ANK3: variants seen among roughly 807,000 people sequenced by gnomAD.
ANK3 encodes the protein ankyrin 3, also known as ankyrin-3.
Under a neutral mutation model 370.9 loss-of-function variants are expected in ANK3, and 57 were observed. The ratio of observed to expected loss-of-function variants is 0.15; its 90% CI spans 0.12 to 0.19. ANK3 has a LOEUF of 0.19. ANK3 is among the 10% of genes least tolerant of loss of function. The pLI is 1.00. For missense variants in ANK3, 4,439 were observed against 5,302.1 expected (o/e 0.84, Z 5.06); for synonymous variants, 1,929 against 1,946.3 (o/e 0.99, Z 0.23).
At chr10:60,522,047 T>C (rs1238552146) in intron 2 of ANK3, among the ~76,000 whole-genome samples, 3 of 152,100 alleles carry the variant, frequency 2.0e-5, no homozygotes, top group African/African-American at 7.2e-5. Context: ...ACAGTGTGAT[T>C]AATCAGGGTA....
chr10:60,339,765 G>T (rs763530350), intron 1 of ANK3, among the ~76,000 whole-genome samples: 33 of 152,182 alleles, frequency 2.2e-4, no homozygotes, highest in Non-Finnish European at 3.7e-4. Flanking sequence ...ATGAGTAGAA[G>T]TGGAGGTAAA....
At chr10:60,214,233 G>C (rs1053760308) in intron 8 of ANK3, among the ~76,000 whole-genome samples, 16 of 152,008 alleles carry the variant, frequency 1.1e-4, no homozygotes, top group Admixed American at 8.5e-4. Context: ...AATAAGACAG[G>C]GTTCAGCATC....
intron 12 of ANK3, 29 bp downstream of exon 12, chr10:60,202,973 T>C (rs751153805): frequency 2.0e-6 from 3 of 1,497,474 alleles, no homozygotes; most frequent in Non-Finnish European, 2.8e-6. Flanking sequence ...ATACTCACAA[T>C]GGACCTCCTT....
At position 60,581,631 on chromosome 10, in the gene ANK3, G is replaced by T. The variant is rs142659028; in HGVS notation, c.96+33555C>A. On this transcript the variant is annotated intron_variant, in intron 2 of 43. Coordinates refer to the ANK3 transcript ENST00000373827. ...TTTTTGTAGTTTTTAGTAGAGATGGGGTTTCATCATCTTGGCCATGCTGGT... is the reference window on the plus strand; with the variant it reads ...TTTTTGTAGTTTTTAGTAGAGATGGTGTTTCATCATCTTGGCCATGCTGGT... 6.3e-4 allele frequency among the ~76,000 whole-genome samples: 95 copies of T among 151,462 alleles called. 1 individual carries two copies. The highest frequency in any genetic ancestry group is 2.2e-3 in the African/African-American group (90 of 41,262).
At chr10:60,536,432 C>T (rs10821791) in intron 2 of ANK3, among the ~76,000 whole-genome samples, 103,283 of 151,870 alleles carry the variant, frequency 0.68, 35,494 homozygotes, top group South Asian at 0.87. Context: ...GAAATTCATC[C>T]GCTTTCCTTC....
intron 40 of ANK3, chr10:60,062,427 T>C (rs1010550670): frequency 6.6e-6 from 1 of 152,246 alleles, no homozygotes; most frequent in Non-Finnish European, 1.5e-5. Flanking sequence ...AAGATCATTA[T>C]ATAAATTAAG....
intron 2 of ANK3, among the ~76,000 whole-genome samples, chr10:60,458,872 G>A (rs565428262): frequency 6.6e-6 from 1 of 152,170 alleles, no homozygotes; most frequent in East Asian, 1.9e-4. Context: ...CCTTACTTAC[G>A]CTATTCAGAC....
chr10:60,584,959 T>C (rs2077810656), intron 2 of ANK3, among the ~76,000 whole-genome samples: 1 of 152,170 alleles, frequency 6.6e-6, no homozygotes, highest in Non-Finnish European at 1.5e-5. Flanking sequence ...TGGACAAACC[T>C]CAGCCTCTTC....
chr10:60,198,130 C>T (rs1197501271), intron 14 of ANK3, among the ~76,000 whole-genome samples: 1 of 152,120 alleles, frequency 6.6e-6, no homozygotes, highest in Non-Finnish European at 1.5e-5. Flanking sequence ...TGGAAGATAA[C>T]ATACTAAGAA....
chr10:60,695,326 A>G (rs2079429797), intron 1 of ANK3, among the ~76,000 whole-genome samples: 1 of 152,114 alleles, frequency 6.6e-6, no homozygotes, highest in Admixed American at 6.5e-5. Context: ...CCCACTGTCA[A>G]CATTAGACAG....
At chr10:60,089,826 T>C (rs1337780803) in intron 28 of ANK3, among the ~76,000 whole-genome samples, 2 of 152,008 alleles carry the variant, frequency 1.3e-5, no homozygotes, top group East Asian at 3.8e-4. Context: ...TAAATCCACA[T>C]ATACTTTTAT....
At chr10:60,633,976 A>G (rs74155633) in intron 1 of ANK3, among the ~76,000 whole-genome samples, 110 of 152,346 alleles carry the variant, frequency 7.2e-4, no homozygotes, top group African/African-American at 2.4e-3. Flanking sequence ...AATAGAATAC[A>G]TATCTCATGG....
At chr10:60,083,261 C>G (rs10994185) in intron 33 of ANK3, among the ~76,000 whole-genome samples, 17,617 of 152,134 alleles carry the variant, frequency 0.12, 1,185 homozygotes, top group African/African-American at 0.18. Context: ...CAAATGTTTG[C>G]TTAAACATAA....
intron 9 of ANK3, among the ~76,000 whole-genome samples, chr10:60,210,588 A>C (rs950569937): frequency 2.6e-5 from 4 of 152,214 alleles, no homozygotes; most frequent in Non-Finnish European, 5.9e-5. Context: ...ACTTCTGATC[A>C]AACACAGCAG....
chr10:60,145,774 A>G (rs2094786639), intron 23 of ANK3, among the ~76,000 whole-genome samples: 1 of 152,204 alleles, frequency 6.6e-6, no homozygotes, highest in African/African-American at 2.4e-5. Flanking sequence ...TTGAATGAAT[A>G]TTACAAGAAA....
At chr10:60,282,246 G>A (rs765006813) in intron 1 of ANK3, among the ~76,000 whole-genome samples, 9 of 152,016 alleles carry the variant, frequency 5.9e-5, no homozygotes, top group Non-Finnish European at 7.4e-5. Context: ...TAACAACAGC[G>A]GCTAAAGAAG....
At chr10:60,645,671 G>T (rs990536937) in intron 1 of ANK3, among the ~76,000 whole-genome samples, 2 of 152,002 alleles carry the variant, frequency 1.3e-5, no homozygotes, top group Non-Finnish European at 2.9e-5. Context: ...TTTGCAGTGA[G>T]CCAAGATCAC....
intron 1 of ANK3, among the ~76,000 whole-genome samples, chr10:60,294,377 A>G (rs1004135115): frequency 2.6e-5 from 4 of 152,162 alleles, no homozygotes; most frequent in Admixed American, 2.6e-4. Flanking sequence ...ATGGCACCAG[A>G]GGGAGAGGAG....
chr10:60,059,521 C>T, intron 40 of ANK3, 91 bp from the exon 41 acceptor site: 1 of 1,285,870 alleles, frequency 7.8e-7, no homozygotes, highest in Non-Finnish European at 1.1e-6. Flanking sequence ...GACTCTACTC[C>T]TTCTTCAAGT....
Sources: allele counts gnomAD v4.1 joint callset (sites outside exome capture counted in the v4.1 genomes callset), GRCh38; gene constraint gnomAD v4.1.1; transcripts MANE v1.5; gene names NCBI Gene and HGNC (gene_info 2026-07-23, HGNC 2026-07-21).